Variants in OR1J2 observed in about 807,000 individuals in gnomAD.
OR1J2 encodes the protein olfactory receptor 1J2.
For missense variants in OR1J2, 304 were observed against 246.1 expected (o/e 1.24, Z -1.57); for synonymous variants, 142 against 99.7 (o/e 1.42, Z -2.52).
At chr9:122,486,810 AATC>A in the OR1J2 span, among the ~76,000 whole-genome samples, 14 of 152,224 alleles carry the variant, frequency 9.2e-5, no homozygotes, top group Admixed American at 3.9e-4. Flanking sequence ...TCATGCTGCT[AATC>A]ATCATGTCGT....
chr9:122,492,844 CTTG>C, the OR1J2 span, among the ~76,000 whole-genome samples: 1 of 152,062 alleles, frequency 6.6e-6, no homozygotes, highest in East Asian at 1.9e-4. Flanking sequence ...TGGCTGTGGG[CTTG>C]TTGTAGATGG....
the OR1J2 span, among the ~76,000 whole-genome samples, chr9:122,527,531 A>T: frequency 1.4e-3 from 211 of 152,206 alleles, no homozygotes; most frequent in African/African-American, 4.9e-3. Context: ...AGGTCAGGGC[A>T]TATTCTCCCT....
chr9:122,519,613 C>T, the OR1J2 span: 1 of 1,614,110 alleles, frequency 6.2e-7, no homozygotes, highest in Non-Finnish European at 8.5e-7. Context: ...AATGCCCTGT[C>T]TCACACTCTC....
At chr9:122,465,841 C>T in the OR1J2 span, among the ~76,000 whole-genome samples, 1 of 152,156 alleles carries the variant, frequency 6.6e-6, no homozygotes, top group East Asian at 1.9e-4. Flanking sequence ...AATTACCTTT[C>T]CCTCTGGATT....
the OR1J2 span, among the ~76,000 whole-genome samples, chr9:122,472,991 G>A: frequency 6.6e-6 from 1 of 152,164 alleles, no homozygotes; most frequent in Non-Finnish European, 1.5e-5. Flanking sequence ...TGAAGCAGGT[G>A]GCATCTGTTT....
chr9:122,560,467 G>A, the OR1J2 span, among the ~76,000 whole-genome samples: 1 of 152,132 alleles, frequency 6.6e-6, no homozygotes, highest in East Asian at 1.9e-4. Context: ...GCTGGTACCG[G>A]TGTTTCCTTT....
At chr9:122,559,838 AT>A in the OR1J2 span, among the ~76,000 whole-genome samples, 1 of 152,128 alleles carries the variant, frequency 6.6e-6, no homozygotes, top group African/African-American at 2.4e-5. Flanking sequence ...GTCGACGTTT[AT>A]TAGGTCTACT....
the OR1J2 span, chr9:122,477,821 G>C: frequency 2.2e-5 from 36 of 1,613,888 alleles, no homozygotes; most frequent in Non-Finnish European, 2.6e-5. Context: ...ACCGTGGTCA[G>C]GTACATGCCC....
chr9:122,511,853 G>A (rs962353885), downstream of OR1J2: 2 of 661,442 alleles, frequency 3.0e-6, no homozygotes, highest in East Asian at 2.7e-5. Flanking sequence ...TAAGACAAAT[G>A]TTAACATGTT....
At chr9:122,491,956 T>TA in the OR1J2 span, among the ~76,000 whole-genome samples, 2 of 152,014 alleles carry the variant, frequency 1.3e-5, no homozygotes, top group Admixed American at 6.5e-5. Flanking sequence ...ATGGGTAGGA[T>TA]AAAAAAGAGA....
chr9:122,566,824 A>T, the OR1J2 span, among the ~76,000 whole-genome samples: 1 of 152,182 alleles, frequency 6.6e-6, no homozygotes, highest in African/African-American at 2.4e-5. Flanking sequence ...TTAAACACAT[A>T]GTTTATGGGA....
At chr9:122,449,593 TCTC>T in the OR1J2 span, among the ~76,000 whole-genome samples, 3 of 152,128 alleles carry the variant, frequency 2.0e-5, no homozygotes, top group Admixed American at 1.3e-4. Context: ...ATGGTCTCGA[TCTC>T]CTGACCTCGT....
the OR1J2 span, among the ~76,000 whole-genome samples, chr9:122,489,610 T>C: frequency 6.6e-6 from 1 of 152,222 alleles, no homozygotes. Flanking sequence ...ATCTATTGTT[T>C]TTCAATAACC....
chr9:122,511,092 C>A lies in OR1J2; in HGVS notation c.291C>A (p.Cys97Ter). 1 of 1,109,822 alleles carries A rather than the reference C, an allele frequency of 9.0e-7. No homozygotes were observed. The highest frequency in any genetic ancestry group is 1.3e-6 in the Non-Finnish European group (1 of 747,626). 68.7% of individuals were successfully genotyped at this position (1,109,822 alleles called of 1,614,324 possible). A position where few individuals can be genotyped will look rare whatever the true frequency, so the allele number is the denominator to read the frequency against. Residue 97 changes from cysteine to a stop codon, truncating the protein, a stop_gained, in exon 1 of 1, where the codon TGC (cysteine) becomes TGA (stop). Coordinates refer to ENST00000335302, the MANE Select transcript of OR1J2 (RefSeq NM_054107.1). LOFTEE classifies it low-confidence loss of function (END_TRUNC). ...TKYKSILYEE[C>*]ISQMYFFIFF... is the part of the protein sequence containing the mutation. ...ACAAATCGATCCTCTATGAGGAATGCATTTCTCAGATGTATTTTTTTATAT... is the reference window on the plus strand; with the variant it reads ...ACAAATCGATCCTCTATGAGGAATGAATTTCTCAGATGTATTTTTTTATAT...
At chr9:122,488,410 A>G in the OR1J2 span, among the ~76,000 whole-genome samples, 9 of 152,186 alleles carry the variant, frequency 5.9e-5, no homozygotes, top group African/African-American at 2.2e-4. Context: ...GAGTGCCTGG[A>G]TTATAGGCGT....
chr9:122,485,068 A>C, the OR1J2 span, among the ~76,000 whole-genome samples: 1 of 152,062 alleles, frequency 6.6e-6, no homozygotes, highest in Admixed American at 6.6e-5. Context: ...CCCCACCATC[A>C]CTTTCTCAAC....
chr9:122,553,075 A>G, the OR1J2 span: 1 of 852,594 alleles, frequency 1.2e-6, no homozygotes, highest in Admixed American at 2.5e-5. Flanking sequence ...TCTTATTGGC[A>G]AAGACCATTT....
chr9:122,530,679 T>A, the OR1J2 span, among the ~76,000 whole-genome samples: 1 of 152,154 alleles, frequency 6.6e-6, no homozygotes, highest in Non-Finnish European at 1.5e-5. Flanking sequence ...TTCACCTGGG[T>A]GCAGGCGGGC....
the OR1J2 span, chr9:122,519,773 A>G: frequency 6.2e-7 from 1 of 1,614,074 alleles, no homozygotes; most frequent in Non-Finnish European, 8.5e-7. Context: ...CTCTACCACT[A>G]ATATGCATCT....
Sources: gnomAD v4.1 joint callset for allele counts (sites outside exome capture counted in the v4.1 genomes callset) on GRCh38, gnomAD v4.1.1 for gene constraint, MANE v1.5 for transcripts, NCBI Gene and HGNC (gene_info 2026-07-23, HGNC 2026-07-21) for gene names.